LHFPL6: variants seen among roughly 807,000 people sequenced by gnomAD.
The protein encoded by LHFPL6 is LHFPL tetraspan subfamily member 6 protein.
A neutral mutation model predicts 20.6 loss-of-function variants in LHFPL6; 9 were observed. The observed-to-expected ratio is 0.44, with a 90% confidence interval of 0.26 to 0.76. The LOEUF (loss-of-function observed/expected upper bound fraction) is 0.76, where lower values mean the gene tolerates loss of function less well. Among genes scored for constraint, LHFPL6 ranks in the 30% least tolerant of loss-of-function variants. The pLI, the probability that LHFPL6 is intolerant of heterozygous loss-of-function variation, is 0.20. For synonymous variants in LHFPL6, 105 were observed against 98.7 expected, an observed-to-expected ratio of 1.06 and a Z score of -0.38; for missense variants, 218 against 253.5, an observed-to-expected ratio of 0.86 and a Z score of 0.95.
intron 2 of LHFPL6, among the ~76,000 whole-genome samples, chr13:39,439,483 T>C (rs1204113993): frequency 6.6e-6 from 1 of 152,134 alleles, no homozygotes; most frequent in African/African-American, 2.4e-5. Context: ...GGGGGACTTT[T>C]GGGAAGGCAT....
rs368725228 is a variant in LHFPL6, at chr13:39,397,680, C to T, written c.386-19154G>A. On this transcript the variant is annotated intron_variant, in intron 2 of 3. Coordinates refer to ENST00000379589, the MANE Select transcript of LHFPL6 (RefSeq NM_005780.3). ...CTCTCCAAATGCACAGACTGTTATT[C>T]TGAAGCCAATGTTTGTATTTCCATA... 1.7e-4 allele frequency among the ~76,000 whole-genome samples: 26 copies of T among 152,250 alleles called. No homozygotes were observed. The East Asian group carries it at 2.7e-3, about 16-fold the overall frequency.
intron 2 of LHFPL6, among the ~76,000 whole-genome samples, chr13:39,529,517 T>A (rs567829526): frequency 1.1e-4 from 17 of 152,354 alleles, no homozygotes; most frequent in South Asian, 6.2e-4. Context: ...AGGCTACTAA[T>A]GGATGAACAC....
intron 2 of LHFPL6, among the ~76,000 whole-genome samples, chr13:39,474,481 ATT>A (rs1873030521): frequency 1.3e-5 from 2 of 152,188 alleles, no homozygotes; most frequent in Admixed American, 1.3e-4. Flanking sequence ...AAATTATGAT[ATT>A]GTTTTCCCCT....
intron 3 of LHFPL6, among the ~76,000 whole-genome samples, chr13:39,367,460 T>A (rs4142537): frequency 0.061 from 9,325 of 152,312 alleles, 445 homozygotes; most frequent in African/African-American, 0.13. Flanking sequence ...ACACTTCTTG[T>A]AAGCAGAGGT....
chr13:39,361,788 A>T (rs1202551444), intron 3 of LHFPL6, among the ~76,000 whole-genome samples: 1 of 152,236 alleles, frequency 6.6e-6, no homozygotes, highest in African/African-American at 2.4e-5. Context: ...TCTGTAGATT[A>T]GATAATAGCA....
intron 2 of LHFPL6, among the ~76,000 whole-genome samples, chr13:39,553,009 A>G (rs1278431092): frequency 6.6e-6 from 1 of 152,226 alleles, no homozygotes; most frequent in Non-Finnish European, 1.5e-5. Flanking sequence ...TAAAAGAGAA[A>G]AAAACTTTAT....
intron 2 of LHFPL6, among the ~76,000 whole-genome samples, chr13:39,575,764 G>T (rs1224744074): frequency 6.6e-6 from 1 of 152,184 alleles, no homozygotes; most frequent in East Asian, 1.9e-4. Context: ...GTTCGCTTCT[G>T]CCCGGGTGTG....
At chr13:39,561,415 G>A (rs549135263) in intron 2 of LHFPL6, among the ~76,000 whole-genome samples, 9 of 152,216 alleles carry the variant, frequency 5.9e-5, no homozygotes, top group African/African-American at 1.9e-4. Flanking sequence ...GGACTTTGAC[G>A]AGAACCTCTC....
chr13:39,572,054 C>A (rs74044105), intron 2 of LHFPL6, among the ~76,000 whole-genome samples: 8,363 of 152,256 alleles, frequency 0.055, 374 homozygotes, highest in African/African-American at 0.12. Context: ...ACAATTAAAT[C>A]AGGGGCAAAG....
At chr13:39,398,056 A>G (rs73456925) in intron 2 of LHFPL6, among the ~76,000 whole-genome samples, 10,330 of 152,188 alleles carry the variant, frequency 0.068, 410 homozygotes, top group Non-Finnish European at 0.083. Context: ...CTTTAGTGAC[A>G]CTTTTGGCCA....
At chr13:39,451,950 G>A (rs1011354289) in intron 2 of LHFPL6, among the ~76,000 whole-genome samples, 7 of 152,126 alleles carry the variant, frequency 4.6e-5, no homozygotes, top group South Asian at 2.1e-4. Context: ...GTGTGTGTGC[G>A]CATGCACGTG....
At chr13:39,376,883 G>A (rs78270438) in intron 3 of LHFPL6, among the ~76,000 whole-genome samples, 32 of 152,206 alleles carry the variant, frequency 2.1e-4, no homozygotes, top group South Asian at 6.2e-4. Context: ...ACATGCTACC[G>A]TAAAATGCAG....
At chr13:39,600,541 A>C (rs1242999706) in intron 2 of LHFPL6, among the ~76,000 whole-genome samples, 1 of 152,220 alleles carries the variant, frequency 6.6e-6, no homozygotes, top group South Asian at 2.1e-4. Flanking sequence ...TATAAAATCC[A>C]AACTGTCGCC....
intron 2 of LHFPL6, among the ~76,000 whole-genome samples, chr13:39,532,910 G>A (rs543694526): frequency 5.5e-4 from 84 of 152,218 alleles, no homozygotes; most frequent in Non-Finnish European, 8.5e-4. Flanking sequence ...TATATGACCC[G>A]TTATTTTTCA....
At chr13:39,451,268 A>G (rs1422003528) in intron 2 of LHFPL6, among the ~76,000 whole-genome samples, 2 of 152,232 alleles carry the variant, frequency 1.3e-5, no homozygotes, top group African/African-American at 4.8e-5. Flanking sequence ...TCTGTTAAAA[A>G]CAAGAAAACC....
rs182793796 is a variant in LHFPL6 at position 39,385,125 on chromosome 13, C to T, written c.386-6599G>A. Among the ~76,000 whole-genome samples the T allele has an allele frequency of 1.3e-3, 199 of 152,300 alleles. 1 individual carries two copies. In the South Asian group the frequency reaches 0.019, roughly 14 times the overall value. On this transcript the variant is annotated intron_variant, in intron 2 of 3. Coordinates refer to ENST00000379589, the MANE Select transcript of LHFPL6 (RefSeq NM_005780.3). ...ATCTTTAGTTTCTACCAGCACTTTGCTGCAATCAGCAATCTAGAGGCAAAA... is the reference window on the plus strand; with the variant it reads ...ATCTTTAGTTTCTACCAGCACTTTGTTGCAATCAGCAATCTAGAGGCAAAA...
intron 2 of LHFPL6, among the ~76,000 whole-genome samples, chr13:39,474,149 CT>C (rs1037673323): frequency 1.3e-5 from 2 of 152,104 alleles, no homozygotes; most frequent in African/African-American, 4.8e-5. Flanking sequence ...ATGGGTATGC[CT>C]TTTTTATGAC....
At chr13:39,530,487 G>A (rs9315698) in intron 2 of LHFPL6, among the ~76,000 whole-genome samples, 122,616 of 151,766 alleles carry the variant, frequency 0.81, 49,780 homozygotes, top group Middle Eastern at 0.87. Context: ...AGAGTTTCCA[G>A]TGCAGGTAAA....
chr13:39,464,576 G>A (rs1020806386), intron 2 of LHFPL6, among the ~76,000 whole-genome samples: 9 of 152,158 alleles, frequency 5.9e-5, no homozygotes, highest in Admixed American at 1.3e-4. Flanking sequence ...GCTCAAATCC[G>A]CACTTCTTTT....
Sources: allele counts gnomAD v4.1 joint callset (sites outside exome capture counted in the v4.1 genomes callset), GRCh38; gene constraint gnomAD v4.1.1; transcripts MANE v1.5; gene names NCBI Gene and HGNC (gene_info 2026-07-23, HGNC 2026-07-21).